Variants in CEP128 observed in about 807,000 individuals in gnomAD.
CEP128 encodes the protein centrosomal protein 128, also known as centrosomal protein 128kDa.
A neutral mutation model predicts 156.7 loss-of-function variants in CEP128; 132 were observed. The ratio of observed to expected loss-of-function variants is 0.84; its 90% CI spans 0.73 to 0.97. CEP128 has a LOEUF of 0.97. Ranked by LOEUF, CEP128 falls within the 50% of genes least tolerant of loss-of-function variation. The probability of loss-of-function intolerance (pLI) is 0.00; values close to 1 mark genes in which losing one functional copy is unlikely to be tolerated. For synonymous variants in CEP128, 469 were observed against 448.9 expected (o/e 1.04, Z -0.57); for missense variants, 1,252 against 1,281.9 (o/e 0.98, Z 0.36).
At chr14:80,874,318 G>A (rs746197042) in intron 8 of CEP128, among the ~76,000 whole-genome samples, 88 of 151,928 alleles carry the variant, frequency 5.8e-4, no homozygotes, top group Admixed American at 1.2e-3. Flanking sequence ...ACAAAAATTA[G>A]CCAAGTGTCA....
intron 19 of CEP128, among the ~76,000 whole-genome samples, chr14:80,704,707 C>T (rs1474254646): frequency 1.6e-5 from 2 of 123,090 alleles, no homozygotes; most frequent in African/African-American, 2.5e-5. Flanking sequence ...GGTAATGATA[C>T]TGATGTCAAA....
chr14:80,630,573 A>T (rs2140723633), intron 19 of CEP128, among the ~76,000 whole-genome samples: 1 of 152,114 alleles, frequency 6.6e-6, no homozygotes, highest in South Asian at 2.1e-4. Flanking sequence ...TATGGAAAAA[A>T]CCACAAGTTA....
intron 13 of CEP128, among the ~76,000 whole-genome samples, chr14:80,825,024 C>T (rs540496604): frequency 6.6e-5 from 10 of 152,318 alleles, no homozygotes; most frequent in Non-Finnish European, 1.0e-4. Flanking sequence ...GCATGTCTTA[C>T]ATGGTGGCAG....
At chr14:80,706,439 ATG>A (rs755837048) in intron 19 of CEP128, among the ~76,000 whole-genome samples, 4 of 150,494 alleles carry the variant, frequency 2.7e-5, no homozygotes, top group African/African-American at 7.3e-5. Flanking sequence ...GTGTGTGTGT[ATG>A]TGTGTGTGTG....
intron 20 of CEP128, among the ~76,000 whole-genome samples, chr14:80,561,424 A>G (rs941226925): frequency 1.3e-5 from 2 of 152,166 alleles, no homozygotes; most frequent in Admixed American, 1.3e-4. Flanking sequence ...CCAGGCATCT[A>G]ATTCATTGTG....
At chr14:80,676,941 G>T (rs1193863764) in intron 19 of CEP128, among the ~76,000 whole-genome samples, 2 of 152,068 alleles carry the variant, frequency 1.3e-5, no homozygotes, top group Non-Finnish European at 2.9e-5. Context: ...TGAATGAAAT[G>T]AGCCTAAAAT....
chr14:80,689,183 T>C (rs113641206), intron 19 of CEP128, among the ~76,000 whole-genome samples: 23 of 150,300 alleles, frequency 1.5e-4, no homozygotes, highest in African/African-American at 1.2e-4. Flanking sequence ...AATGAAACCC[T>C]GTATCTACTA....
intron 19 of CEP128, among the ~76,000 whole-genome samples, chr14:80,705,340 A>T (rs149578640): frequency 9.2e-5 from 14 of 152,070 alleles, no homozygotes; most frequent in African/African-American, 3.4e-4. Flanking sequence ...GACCTTTGTC[A>T]TGCAAACTTT....
chr14:80,561,997 A>G (rs7147605), intron 20 of CEP128, among the ~76,000 whole-genome samples: 84,985 of 150,346 alleles, frequency 0.57, 24,340 homozygotes, highest in East Asian at 0.72. Flanking sequence ...GCATGATCTC[A>G]ACTCACTGCA....
intron 21 of CEP128, among the ~76,000 whole-genome samples, chr14:80,533,010 G>A (rs1261055009): frequency 6.6e-6 from 1 of 151,818 alleles, no homozygotes; most frequent in Non-Finnish European, 1.5e-5. Flanking sequence ...TAGTCTTTAG[G>A]CCACATGTAC....
chr14:80,526,554 A>T, intron 23 of CEP128: 1 of 199,894 alleles, frequency 5.0e-6, no homozygotes, highest in Non-Finnish European at 1.0e-5. Context: ...GAAGGTGATC[A>T]TCACACTAAG....
At chr14:80,686,826 G>T (rs1044661984) in intron 19 of CEP128, among the ~76,000 whole-genome samples, 7 of 152,086 alleles carry the variant, frequency 4.6e-5, no homozygotes, top group African/African-American at 1.7e-4. Flanking sequence ...AACCAACAAA[G>T]ATTTAAAAAG....
chr14:80,485,134 T>C (rs1887134542), intron 14 of CEP128, among the ~76,000 whole-genome samples: 1 of 152,136 alleles, frequency 6.6e-6, no homozygotes, highest in South Asian at 2.1e-4. Flanking sequence ...TATCCAGTAA[T>C]GGTTCTGAGA....
At chr14:80,541,599 C>T (rs114008578) in intron 21 of CEP128, among the ~76,000 whole-genome samples, 1,918 of 151,876 alleles carry the variant, frequency 0.013, 41 homozygotes, top group African/African-American at 0.044. Flanking sequence ...ATTTTTTTCA[C>T]CTTATAACTG....
intron 19 of CEP128, among the ~76,000 whole-genome samples, chr14:80,670,280 T>A (rs781083256): frequency 3.0e-4 from 45 of 152,194 alleles, no homozygotes; most frequent in Non-Finnish European, 5.9e-4. Flanking sequence ...CCTTTACTCA[T>A]GTGTTTAATT....
chr14:80,865,485 C>T (rs931141211), intron 8 of CEP128, among the ~76,000 whole-genome samples: 12 of 152,188 alleles, frequency 7.9e-5, no homozygotes, highest in African/African-American at 2.9e-4. Context: ...TAGTTTTATT[C>T]TTAATTTTGA....
At chr14:80,707,087 A>G (rs1205984617) in intron 19 of CEP128, among the ~76,000 whole-genome samples, 3 of 152,082 alleles carry the variant, frequency 2.0e-5, no homozygotes, top group Non-Finnish European at 4.4e-5. Context: ...GATTTATTTC[A>G]ATGTTGGTGG....
At chr14:80,845,999 G>A (rs1886581047) in intron 9 of CEP128, among the ~76,000 whole-genome samples, 2 of 152,148 alleles carry the variant, frequency 1.3e-5, no homozygotes, top group African/African-American at 4.8e-5. Context: ...CAGTCAACAG[G>A]GGCAGCAGAC....
intron 19 of CEP128, among the ~76,000 whole-genome samples, chr14:80,670,273 T>C (rs754585634): frequency 6.6e-6 from 1 of 152,170 alleles, no homozygotes; most frequent in Non-Finnish European, 1.5e-5. Flanking sequence ...AAAGATACCT[T>C]TACTCATGTG....
Sources: allele counts gnomAD v4.1 joint callset (sites outside exome capture counted in the v4.1 genomes callset), GRCh38; gene constraint gnomAD v4.1.1; transcripts MANE v1.5; gene names NCBI Gene and HGNC (gene_info 2026-07-23, HGNC 2026-07-21).